Variants in ITGBL1 observed in about 807,000 individuals in gnomAD.
The protein encoded by ITGBL1 is integrin beta-like protein 1.
A neutral mutation model predicts 68.5 loss-of-function variants in ITGBL1; 51 were observed. That is an observed-to-expected ratio of 0.74 (90% confidence interval 0.59 to 0.94). The LOEUF is 0.94. ITGBL1 is among the 40% of genes least tolerant of loss of function. ITGBL1 has a pLI of 0.00. For synonymous variants in ITGBL1, 209 were observed against 227.3 expected, an observed-to-expected ratio of 0.92 and a Z score of 0.72; for missense variants, 649 against 647.4, an observed-to-expected ratio of 1.00 and a Z score of -0.03.
chr13:101,624,264 T>C (rs2031693213), intron 7 of ITGBL1, among the ~76,000 whole-genome samples: 1 of 152,206 alleles, frequency 6.6e-6, no homozygotes, highest in Non-Finnish European at 1.5e-5. Flanking sequence ...CTTGTGCAAA[T>C]GTGAAAACTA....
intron 8 of ITGBL1, among the ~76,000 whole-genome samples, chr13:101,695,778 C>T (rs1173713926): frequency 6.6e-6 from 1 of 152,158 alleles, no homozygotes; most frequent in African/African-American, 2.4e-5. Context: ...GCTCTGGTTC[C>T]CTGGCAACAG....
intron 3 of ITGBL1, among the ~76,000 whole-genome samples, chr13:101,573,862 C>T (rs2050312495): frequency 6.6e-6 from 1 of 152,108 alleles, no homozygotes; most frequent in South Asian, 2.1e-4. Flanking sequence ...CCTTCCCATC[C>T]TTCACCCTTT....
At chr13:101,543,278 G>A (rs903003100) in intron 2 of ITGBL1, among the ~76,000 whole-genome samples, 9 of 152,110 alleles carry the variant, frequency 5.9e-5, no homozygotes, top group African/African-American at 2.2e-4. Flanking sequence ...CTCAGCATTT[G>A]CTTGTCTGTA....
At chr13:101,547,039 T>A (rs544734415) in intron 2 of ITGBL1, among the ~76,000 whole-genome samples, 1 of 152,046 alleles carries the variant, frequency 6.6e-6, no homozygotes, top group South Asian at 2.1e-4. Context: ...AAAATATCTC[T>A]TGGAAATCTT....
chr13:101,667,886 GA>G (rs567923740), intron 7 of ITGBL1, among the ~76,000 whole-genome samples: 101 of 142,972 alleles, frequency 7.1e-4, no homozygotes, highest in Non-Finnish European at 1.2e-3. Context: ...ATATGCAAAT[GA>G]CACTTAAAAG....
intron 2 of ITGBL1, among the ~76,000 whole-genome samples, chr13:101,465,587 C>A (rs2048372399): frequency 6.6e-6 from 1 of 152,098 alleles, no homozygotes; most frequent in Non-Finnish European, 1.5e-5. Flanking sequence ...GGTTTTAAGA[C>A]CCTCTGCCTT....
intron 7 of ITGBL1, among the ~76,000 whole-genome samples, chr13:101,672,613 C>T (rs868268551): frequency 2.6e-5 from 4 of 152,144 alleles, no homozygotes; most frequent in Admixed American, 6.5e-5. Flanking sequence ...CACACCTGAT[C>T]CAATCAATCT....
intron 2 of ITGBL1, among the ~76,000 whole-genome samples, chr13:101,478,129 C>G (rs1397731480): frequency 6.6e-6 from 1 of 151,336 alleles, no homozygotes; most frequent in Non-Finnish European, 1.5e-5. Context: ...TTAAAAAGAT[C>G]ATTCATCATG....
intron 7 of ITGBL1, among the ~76,000 whole-genome samples, chr13:101,601,675 T>G (rs1389178634): frequency 2.0e-5 from 3 of 152,088 alleles, no homozygotes; most frequent in South Asian, 2.1e-4. Context: ...CTTTATTTCT[T>G]CCTTCATTTC....
At chr13:101,717,339 C>T (rs1402995976), downstream of ITGBL1, 5 of 152,056 alleles carry the variant, frequency 3.3e-5, no homozygotes, top group South Asian at 1.0e-3. Context: ...TTAAGGAGTG[C>T]AACCATGTTG....
At chr13:101,584,573 G>T (rs1056822199) in intron 6 of ITGBL1, among the ~76,000 whole-genome samples, 7 of 152,180 alleles carry the variant, frequency 4.6e-5, no homozygotes, top group African/African-American at 1.7e-4. Flanking sequence ...ACTGACTGGG[G>T]AAAGCCTGCT....
At chr13:101,495,757 G>A (rs2048849231) in intron 2 of ITGBL1, among the ~76,000 whole-genome samples, 3 of 152,108 alleles carry the variant, frequency 2.0e-5, no homozygotes, top group African/African-American at 7.2e-5. Flanking sequence ...CCAGGGAGGT[G>A]TATGAGATTT....
intron 2 of ITGBL1, among the ~76,000 whole-genome samples, chr13:101,563,375 A>G (rs1422969418): frequency 6.6e-6 from 1 of 151,818 alleles, no homozygotes; most frequent in Non-Finnish European, 1.5e-5. Flanking sequence ...TTATTTGAAA[A>G]TAACAATAAA....
intron 7 of ITGBL1, among the ~76,000 whole-genome samples, chr13:101,625,509 G>T (rs1418194386): frequency 6.6e-6 from 1 of 152,058 alleles, no homozygotes; most frequent in Non-Finnish European, 1.5e-5. Flanking sequence ...CACTGCAAGG[G>T]CTCATCAGGT....
Position 101,495,713 on chromosome 13 carries a change from A to C in ITGBL1, c.316+41613A>C, listed in dbSNP as rs368984105. On this transcript the variant is annotated intron_variant, in intron 2 of 10. Coordinates refer to ENST00000376180, the MANE Select transcript of ITGBL1 (RefSeq NM_004791.3). ...GGATGGGCATGAGTAGGGGAATTAG[A>C]AGAAGATTAAGGGGGGGTCTTTAGT... Among the ~76,000 whole-genome samples the C allele has an allele frequency of 5.9e-4, 89 of 152,098 alleles. 1 individual carries two copies. The South Asian group carries it at 0.018, about 30-fold the overall frequency.
chr13:101,706,497 T>C (rs1204141499), intron 8 of ITGBL1, among the ~76,000 whole-genome samples: 1 of 152,188 alleles, frequency 6.6e-6, no homozygotes, highest in Non-Finnish European at 1.5e-5. Context: ...TCAAGAAAGG[T>C]GGTATAATTC....
chr13:101,683,320 T>C (rs890313875), intron 7 of ITGBL1, among the ~76,000 whole-genome samples: 2 of 152,096 alleles, frequency 1.3e-5, no homozygotes, highest in Admixed American at 1.3e-4. Context: ...TTTTTGGAAT[T>C]AATCCAACAG....
At chr13:101,702,832 T>C (rs1351150120) in intron 8 of ITGBL1, among the ~76,000 whole-genome samples, 1 of 152,196 alleles carries the variant, frequency 6.6e-6, no homozygotes, top group Non-Finnish European at 1.5e-5. Flanking sequence ...TTTAAGGACA[T>C]CTGGACTTTA....
intron 2 of ITGBL1, among the ~76,000 whole-genome samples, chr13:101,563,505 T>G (rs2050133444): frequency 6.6e-6 from 1 of 151,858 alleles, no homozygotes; most frequent in Non-Finnish European, 1.5e-5. Context: ...GATAGTAAGC[T>G]TATGATATAA....
Sources: allele counts gnomAD v4.1 joint callset (sites outside exome capture counted in the v4.1 genomes callset), GRCh38; gene constraint gnomAD v4.1.1; transcripts MANE v1.5; gene names NCBI Gene and HGNC (gene_info 2026-07-23, HGNC 2026-07-21).